RXFP1: variants seen among roughly 807,000 people sequenced by gnomAD.
RXFP1 encodes relaxin family peptide receptor 1, also known as relaxin receptor 1.
In RXFP1, 73 loss-of-function variants were observed where a neutral mutation model predicts 89.8. That is an observed-to-expected ratio of 0.81 (90% CI 0.67 to 0.99). The LOEUF (loss-of-function observed/expected upper bound fraction) is 0.99. Ranked by LOEUF, RXFP1 falls within the 50% of genes least tolerant of loss-of-function variation. The pLI, the probability that RXFP1 is intolerant of heterozygous loss-of-function variation, is 0.00. For synonymous variants in RXFP1, 277 were observed against 305.5 expected, an observed-to-expected ratio of 0.91 and a Z score of 0.97; for missense variants, 793 against 895.5, an observed-to-expected ratio of 0.89 and a Z score of 1.46.
At position 158,651,683 on chromosome 4, in the gene RXFP1, G is replaced by T. The variant is rs182220133; in HGVS notation, c.1976-74G>T. On this transcript the variant is annotated intron_variant, in intron 17 of 17. Transcript: ENST00000307765. ...AACTCAAAAAGGGGTTGGGATGAAA[G>T]AAACAGGGAAATTGGGTTTCTATAC... 3.3e-6 allele frequency: 4 copies of T among 1,207,874 alleles called. No homozygotes were observed. The South Asian group carries it at 6.7e-5, about 20-fold the overall frequency. 74.8% of individuals were successfully genotyped at this position (1,207,874 alleles called of 1,614,324 possible).
At chr4:158,610,308 A>T (rs1378067601) in intron 6 of RXFP1, among the ~76,000 whole-genome samples, 2 of 152,158 alleles carry the variant, frequency 1.3e-5, no homozygotes, top group East Asian at 3.8e-4. Context: ...TGATTTATGG[A>T]TCTAAACAAT....
intron 4 of RXFP1, among the ~76,000 whole-genome samples, chr4:158,600,273 C>T (rs1761438338): frequency 6.6e-6 from 1 of 152,126 alleles, no homozygotes; most frequent in Non-Finnish European, 1.5e-5. Context: ...AACCAAACCA[C>T]ATAATACAGC....
intron 4 of RXFP1, among the ~76,000 whole-genome samples, chr4:158,603,483 T>C (rs569060161): frequency 1.3e-5 from 2 of 152,240 alleles, no homozygotes; most frequent in Non-Finnish European, 2.9e-5. Context: ...GTCTGATATG[T>C]GTAGTCTAGA....
intron 4 of RXFP1, among the ~76,000 whole-genome samples, chr4:158,603,584 G>A (rs1052863678): frequency 2.6e-5 from 4 of 151,078 alleles, no homozygotes; most frequent in African/African-American, 7.3e-5. Context: ...GTCCCCTCCT[G>A]TGAAATTTTA....
rs150940675 is a variant in RXFP1, at chr4:158,572,254, T to A, written c.50-444T>A. ...ACGTGTGTGCCCGTGTACTTAATCA[T>A]CTCAGGGTGAGACAATGAACCACAG... On this transcript the variant is annotated intron_variant, in intron 1 of 17. Coordinates refer to ENST00000307765, the MANE Select transcript of RXFP1 (RefSeq NM_021634.4). Among the ~76,000 whole-genome samples, 3 of 152,366 alleles carry A rather than the reference T, an allele frequency of 2.0e-5. No individual in the cohort carries two copies. The East Asian group carries it at 5.8e-4, about 29-fold the overall frequency.
chr4:158,580,533 G>C (rs1757141389), intron 2 of RXFP1, among the ~76,000 whole-genome samples: 2 of 152,270 alleles, frequency 1.3e-5, no homozygotes, highest in South Asian at 4.1e-4. Context: ...AGTAAGTAGA[G>C]AGTCACCTTT....
In RXFP1 at chr4:158,599,326, T is replaced by G. The variant is rs760135795; in HGVS notation, c.287T>G (p.Leu96Trp). 9.3e-6 allele frequency: 15 copies of G among 1,613,794 alleles called. No homozygotes were observed. Among genetic ancestry groups the G allele is most frequent in the Non-Finnish European group, 1.3e-5 (15 of 1,179,918 alleles). ...GCCTTACCACTTCCCCTTGATTCAG[T>G]GGTCGGTTCTGTGCCAGTGCAATGT... is the stretch of plus-strand genomic sequence containing the variant. Reference protein sequence around the residue: ...YPFEAETPECLVGSVPVQCLC... With the variant: ...YPFEAETPECWVGSVPVQCLC... The change falls in exon 4 of 18, where the codon TTG (leucine) becomes TGG (tryptophan). Residue 96 changes from leucine to tryptophan, a missense_variant and splice_region_variant. Coordinates refer to ENST00000307765, the MANE Select transcript of RXFP1 (RefSeq NM_021634.4).
chr4:158,628,732 T>G (rs373977919), intron 11 of RXFP1, 23 bp downstream of exon 11: 34 of 1,320,524 alleles, frequency 2.6e-5, no homozygotes, highest in Non-Finnish European at 3.4e-5. Flanking sequence ...GAACATATAC[T>G]GATAAGAATT....
chr4:158,552,749 T>C (rs1444637273), intron 1 of RXFP1, among the ~76,000 whole-genome samples: 2 of 152,236 alleles, frequency 1.3e-5, no homozygotes, highest in African/African-American at 2.4e-5. Context: ...GAGTCTGTGA[T>C]AAATTTTTAG....
intron 1 of RXFP1, among the ~76,000 whole-genome samples, chr4:158,549,756 A>C (rs1373696858): frequency 6.6e-6 from 1 of 152,216 alleles, no homozygotes; most frequent in Non-Finnish European, 1.5e-5. Flanking sequence ...CAGTGGCTGT[A>C]GAACAGCGGA....
At chr4:158,538,351 T>C (rs779693407) in intron 1 of RXFP1, among the ~76,000 whole-genome samples, 18 of 152,118 alleles carry the variant, frequency 1.2e-4, no homozygotes, top group Non-Finnish European at 1.9e-4. Flanking sequence ...GCTCGCACTC[T>C]GGGGAAAGAA....
chr4:158,522,712 G>C (rs1741486001), intron 1 of RXFP1, among the ~76,000 whole-genome samples: 2 of 152,144 alleles, frequency 1.3e-5, no homozygotes, highest in African/African-American at 4.8e-5. Flanking sequence ...ATAGTATGTA[G>C]ACAGAAATAA....
intron 9 of RXFP1, among the ~76,000 whole-genome samples, chr4:158,625,971 A>T (rs976672920): frequency 1.3e-5 from 2 of 152,140 alleles, no homozygotes; most frequent in Non-Finnish European, 2.9e-5. Context: ...ACAATAAAAG[A>T]GTAACTTCAA....
intron 2 of RXFP1, among the ~76,000 whole-genome samples, chr4:158,578,685 C>T (rs1028117787): frequency 2.6e-5 from 4 of 152,114 alleles, no homozygotes; most frequent in South Asian, 4.1e-4. Context: ...CTCATGGTTA[C>T]ACTAACCCAA....
chr4:158,562,523 CAA>C (rs55944906), intron 1 of RXFP1, among the ~76,000 whole-genome samples: 499 of 25,218 alleles, frequency 0.02, 1 homozygote, highest in African/African-American at 0.06. Context: ...GACTCCGTCT[CAA>C]AAAAAAAAAA....
At chr4:158,636,419 T>C (rs115736473) in intron 12 of RXFP1, among the ~76,000 whole-genome samples, 349 of 152,316 alleles carry the variant, frequency 2.3e-3, no homozygotes, top group African/African-American at 8.1e-3. Flanking sequence ...TGCGGCTCTT[T>C]CTCAGTCCCC....
At chr4:158,598,110 A>C (rs181132528) in intron 3 of RXFP1, among the ~76,000 whole-genome samples, 8 of 152,298 alleles carry the variant, frequency 5.3e-5, no homozygotes, top group African/African-American at 1.9e-4. Context: ...CTGCTTAGCC[A>C]CTGAGACACT....
intron 1 of RXFP1, among the ~76,000 whole-genome samples, chr4:158,532,837 C>T (rs1481420538): frequency 1.3e-5 from 2 of 152,206 alleles, no homozygotes; most frequent in East Asian, 3.8e-4. Flanking sequence ...ACCATCGCCT[C>T]CCTCACTTCA....
At chr4:158,602,302 T>G (rs545572173) in intron 4 of RXFP1, among the ~76,000 whole-genome samples, 9 of 152,130 alleles carry the variant, frequency 5.9e-5, no homozygotes, top group Admixed American at 2.0e-4. Context: ...TACTTAGAGG[T>G]CTTTCAATGA....
Sources: gnomAD v4.1 joint callset for allele counts (sites outside exome capture counted in the v4.1 genomes callset) on GRCh38, gnomAD v4.1.1 for gene constraint, MANE v1.5 for transcripts, NCBI Gene and HGNC (gene_info 2026-07-23, HGNC 2026-07-21) for gene names.